The following FAAH2 variants were observed in gnomAD, a reference collection of about 807,000 sequenced individuals.
The protein encoded by FAAH2 is fatty acid amide hydrolase 2.
A neutral mutation model predicts 36.9 loss-of-function variants in FAAH2; 60 were observed. The observed-to-expected ratio is 1.63, with a 90% CI of 1.32 to 2.02. The LOEUF is 2.02. Among genes scored for constraint, FAAH2 ranks in the 30% most tolerant of loss-of-function variants. The pLI is 0.00. For synonymous variants in FAAH2, 214 were observed against 143.8 expected, an observed-to-expected ratio of 1.49 and a Z score of -3.49; for missense variants, 689 against 397.5, an observed-to-expected ratio of 1.73 and a Z score of -6.23.
chrX:57,167,230 C>T, the FAAH2 span, among the ~76,000 whole-genome samples: 1 of 111,278 alleles, frequency 9.0e-6, no homozygotes, highest in Non-Finnish European at 1.9e-5. Flanking sequence ...ATAAACAAAA[C>T]GGCCCCATTT....
chrX:57,173,950 T>C, the FAAH2 span, among the ~76,000 whole-genome samples: 6 of 111,666 alleles, frequency 5.4e-5, no homozygotes, highest in South Asian at 3.7e-4. Flanking sequence ...CTTTTTGATA[T>C]ACTGTTGGAT....
At chrX:57,204,631 T>C in the FAAH2 span, among the ~76,000 whole-genome samples, 2 of 112,319 alleles carry the variant, frequency 1.8e-5, no homozygotes, top group Non-Finnish European at 3.8e-5. Context: ...TTCCCAACTT[T>C]TTGTTATCAG....
chrX:57,256,032 G>C, the FAAH2 span, among the ~76,000 whole-genome samples: 632 of 112,092 alleles, frequency 5.6e-3, 4 homozygotes, highest in Non-Finnish European at 9.3e-3. Context: ...AAACTCCATT[G>C]TCTCAGCCCA....
At chrX:57,134,950 G>C in the FAAH2 span, 2 of 111,967 alleles carry the variant, frequency 1.8e-5, no homozygotes, top group African/African-American at 3.3e-5. Flanking sequence ...AACCTCCAAT[G>C]CATCTGGCAT....
chrX:57,265,204 G>T, the FAAH2 span, among the ~76,000 whole-genome samples: 1 of 111,688 alleles, frequency 9.0e-6, no homozygotes, highest in African/African-American at 3.3e-5. Context: ...ACTCAGGCAT[G>T]CACGAGACTC....
the FAAH2 span, among the ~76,000 whole-genome samples, chrX:57,248,776 A>T: frequency 1.1e-4 from 11 of 101,635 alleles, no homozygotes; most frequent in Non-Finnish European, 2.2e-4. Context: ...AAAAAAAAAA[A>T]AAAATCGAAT....
chrX:57,341,302 C>A lies in FAAH2; in HGVS notation c.654C>A (p.Cys218Ter). The A allele has an allele frequency of 8.3e-7, 1 of 1,208,890 alleles. No homozygotes were observed. Among genetic ancestry groups the A allele is most frequent in the Non-Finnish European group, 1.1e-6 (1 of 893,767 alleles). ...GGEGCTLAAACSVIGVGSDIG... is the reference protein window; with the variant it reads ...GGEGCTLAAA ...AGGGCTGCACACTGGCAGCTGCCTG[C>A]TCAGTTATTGGTGTGGGCTCTGATA... The change falls in exon 5 of 11, where the codon TGC (cysteine) becomes TGA (stop). Residue 218 changes from cysteine (C) to a stop codon, truncating the protein, a stop_gained. Transcript: ENST00000374900. LOFTEE classifies it high-confidence loss of function.
chrX:57,155,931 T>C, the FAAH2 span, among the ~76,000 whole-genome samples: 1 of 112,003 alleles, frequency 8.9e-6, no homozygotes. Context: ...CCTTCTCCCG[T>C]GATCTAGACC....
intron 10 of FAAH2, among the ~76,000 whole-genome samples, chrX:57,460,118 A>C (rs914499223): frequency 3.6e-5 from 4 of 111,656 alleles, no homozygotes; most frequent in African/African-American, 1.3e-4. Context: ...AAAAAGAATG[A>C]AAAGGAATGA....
At chrX:57,273,809 G>A in the FAAH2 span, among the ~76,000 whole-genome samples, 4 of 111,524 alleles carry the variant, frequency 3.6e-5, no homozygotes, top group Admixed American at 9.6e-5. Flanking sequence ...GAGAAAGCAG[G>A]AAAAATCTAA....
chrX:57,261,651 A>T, the FAAH2 span, among the ~76,000 whole-genome samples: 1 of 109,813 alleles, frequency 9.1e-6, no homozygotes, highest in Non-Finnish European at 1.9e-5. Context: ...AACAAATCAG[A>T]TTAATTGTTG....
intron 1 of FAAH2, 44 bp downstream of exon 1, chrX:57,287,061 G>T: frequency 9.1e-7 from 1 of 1,098,273 alleles, no homozygotes; most frequent in Non-Finnish European, 1.2e-6. Flanking sequence ...AGGTCTTTTA[G>T]CAGGATCCAG....
intron 2 of FAAH2, among the ~76,000 whole-genome samples, chrX:57,305,247 C>T (rs371111541): frequency 4.2e-4 from 47 of 110,828 alleles, no homozygotes; most frequent in African/African-American, 1.4e-3. Context: ...GACACCTCTA[C>T]CAGGAAGTCA....
intron 7 of FAAH2, among the ~76,000 whole-genome samples, chrX:57,407,790 G>A (rs1001310513): frequency 2.7e-5 from 3 of 111,964 alleles, no homozygotes; most frequent in Non-Finnish European, 5.6e-5. Context: ...CAAGTCTTAT[G>A]TTTAAATCTT....
the FAAH2 span, among the ~76,000 whole-genome samples, chrX:57,200,432 G>A: frequency 6.7e-5 from 7 of 103,754 alleles, no homozygotes; most frequent in Non-Finnish European, 1.2e-4. Context: ...AGGCTGGAGT[G>A]CAATGGCACG....
At chrX:57,291,684 C>A (rs767501334) in intron 1 of FAAH2, among the ~76,000 whole-genome samples, 1 of 109,190 alleles carries the variant, frequency 9.2e-6, no homozygotes, top group East Asian at 2.8e-4. Flanking sequence ...AATTATTTTT[C>A]TCTCCTCATT....
At chrX:57,287,098 G>T (rs2051831941) in intron 1 of FAAH2, 81 bp downstream of exon 1, 9 of 1,011,338 alleles carry the variant, frequency 8.9e-6, no homozygotes, top group Admixed American at 7.5e-5. Flanking sequence ...GGTGGTTGTG[G>T]TTTCCTTTCC....
At chrX:57,445,985 C>A (rs192172939) in intron 8 of FAAH2, among the ~76,000 whole-genome samples, 1 of 112,638 alleles carries the variant, frequency 8.9e-6, no homozygotes. Flanking sequence ...CCAGCCAGGA[C>A]TGGAGTTCCT....
the FAAH2 span, among the ~76,000 whole-genome samples, chrX:57,155,214 G>T: frequency 9.0e-6 from 1 of 111,394 alleles, no homozygotes; most frequent in Admixed American, 9.5e-5. Flanking sequence ...TGGTAGGTGG[G>T]GCCCTAGTGC....
Sources: allele counts gnomAD v4.1 joint callset (sites outside exome capture counted in the v4.1 genomes callset), GRCh38; gene constraint gnomAD v4.1.1; transcripts MANE v1.5; gene names NCBI Gene and HGNC (gene_info 2026-07-23, HGNC 2026-07-21).